The following TMOD3 variants were observed in gnomAD, a reference collection of about 807,000 sequenced individuals.
The protein encoded by TMOD3 is tropomodulin 3, also known as tropomodulin-3.
TMOD3 carries 20 observed loss-of-function variants against 39.2 expected under a neutral mutation model. That is an observed-to-expected ratio of 0.51 (90% CI 0.36 to 0.74). The LOEUF (loss-of-function observed/expected upper bound fraction) is 0.74, where lower values mean the gene tolerates loss of function less well. TMOD3 is among the 30% of genes least tolerant of loss of function. TMOD3 has a pLI of 0.00. For synonymous variants in TMOD3, 143 were observed against 145.8 expected, an observed-to-expected ratio of 0.98 and a Z score of 0.14; for missense variants, 381 against 412.8, an observed-to-expected ratio of 0.92 and a Z score of 0.67.
chr15:51,845,447 G>C (rs2056331214), intron 1 of TMOD3, among the ~76,000 whole-genome samples: 1 of 152,180 alleles, frequency 6.6e-6, no homozygotes, highest in Admixed American at 6.6e-5. Context: ...CTAAGTGCTA[G>C]ACTTTTTCTC....
intron 7 of TMOD3, among the ~76,000 whole-genome samples, chr15:51,898,673 G>A (rs1008783258): frequency 8.5e-5 from 13 of 152,176 alleles, no homozygotes; most frequent in Admixed American, 2.0e-4. Flanking sequence ...AGTTTTTTTA[G>A]TATCTCTACG....
chr15:51,886,586 G>A (rs561061615), intron 3 of TMOD3, among the ~76,000 whole-genome samples: 2 of 152,332 alleles, frequency 1.3e-5, no homozygotes, highest in East Asian at 1.9e-4. Flanking sequence ...GAATCAGGCA[G>A]GGAGGTTGCA....
chr15:51,889,051 T>C lies in TMOD3; in HGVS notation c.407-5T>C. The C allele has an allele frequency of 6.4e-7, 1 of 1,560,348 alleles. No homozygotes were observed. The highest frequency in any genetic ancestry group is 2.3e-5 in the East Asian group (1 of 43,576). On this transcript the variant is annotated splice_polypyrimidine_tract_variant and splice_region_variant and intron_variant, in intron 4 of 9. Transcript: ENST00000308580. ...AATAAAAACTTTCTTTTTCTGTATT[T>C]ATAGCAATTCTTGGGATGCACAATT...
At chr15:51,880,421 CCA>C (rs1199524899) in intron 3 of TMOD3, among the ~76,000 whole-genome samples, 2 of 152,088 alleles carry the variant, frequency 1.3e-5, no homozygotes, top group African/African-American at 4.8e-5. Flanking sequence ...GCAACCATCA[CCA>C]CAGTCTTAAG....
At position 51,890,575 on chromosome 15, in the gene TMOD3, T is replaced by C. The variant is rs77698103; in HGVS notation, c.496+1430T>C. Among the ~76,000 whole-genome samples the C allele has an allele frequency of 1.4e-3, 216 of 152,254 alleles. 11 individuals carry two copies. The highest frequency in any genetic ancestry group is 9.8e-3 in the East Asian group (51 of 5,186). On this transcript the variant is annotated intron_variant, in intron 5 of 9. Coordinates refer to ENST00000308580, the MANE Select transcript of TMOD3 (RefSeq NM_014547.5). Reference sequence around the variant, plus strand: ...TGACAACAGTTCTATGAAATAGATATTATTATTTTTAATTTGCATGTGAGA... The same window carrying C: ...TGACAACAGTTCTATGAAATAGATACTATTATTTTTAATTTGCATGTGAGA...
rs980141685 is a variant in TMOD3, at chr15:51,914,304, A to C, written c.*5494A>C. 1.3e-5 allele frequency: 2 copies of C among 151,892 alleles called. No individual in the cohort carries two copies. The highest frequency in any genetic ancestry group is 1.3e-4 in the Admixed American group (2 of 15,246). 9.4% of individuals were successfully genotyped at this position (151,892 alleles called of 1,614,324 possible). On this transcript the variant is annotated 3_prime_UTR_variant, in exon 10 of 10. Transcript: ENST00000308580. ...GTCTCAAAAAACAAAACAAAACAAAAAAATGGGTTTTTTTGTTGTTGTTTT... is the reference window on the plus strand; with the variant it reads ...GTCTCAAAAAACAAAACAAAACAAACAAATGGGTTTTTTTGTTGTTGTTTT...
At chr15:51,867,114 G>C (rs116763264) in intron 2 of TMOD3, among the ~76,000 whole-genome samples, 1 of 152,312 alleles carries the variant, frequency 6.6e-6, no homozygotes, top group African/African-American at 2.4e-5. Flanking sequence ...CTGGAATGGA[G>C]AGGGTGTGTG....
At chr15:51,883,397 T>G (rs905712665) in intron 3 of TMOD3, among the ~76,000 whole-genome samples, 1 of 152,244 alleles carries the variant, frequency 6.6e-6, no homozygotes, top group South Asian at 2.1e-4. Context: ...TTTATGATGC[T>G]TTAGATTCCA....
intron 1 of TMOD3, among the ~76,000 whole-genome samples, chr15:51,839,159 ATCTC>A (rs1242222900): frequency 6.4e-5 from 5 of 78,162 alleles, no homozygotes; most frequent in African/African-American, 2.2e-4. Flanking sequence ...AAATAGGTGT[ATCTC>A]TCTTTTTTTT....
At chr15:51,888,097 A>G (rs749850608) in intron 4 of TMOD3, among the ~76,000 whole-genome samples, 17 of 152,220 alleles carry the variant, frequency 1.1e-4, no homozygotes, top group Non-Finnish European at 2.2e-4. Flanking sequence ...ATGAGTAACT[A>G]GAAAGTAGAT....
intron 5 of TMOD3, 70 bp downstream of exon 5, chr15:51,889,215 C>G: frequency 9.8e-7 from 1 of 1,016,688 alleles, no homozygotes; most frequent in South Asian, 1.4e-5. Context: ...CTTGTGTCAG[C>G]TTAAGTGTTC....
At chr15:51,899,392 G>A (rs956489802) in intron 7 of TMOD3, among the ~76,000 whole-genome samples, 1 of 152,226 alleles carries the variant, frequency 6.6e-6, no homozygotes, top group Non-Finnish European at 1.5e-5. Flanking sequence ...CAGGCCAGGT[G>A]TAGTGGCTCA....
chr15:51,840,243 G>A (rs1260913969), intron 1 of TMOD3, among the ~76,000 whole-genome samples: 1 of 152,104 alleles, frequency 6.6e-6, no homozygotes, highest in Non-Finnish European at 1.5e-5. Context: ...TCACTCTTCT[G>A]TATTCTCTTT....
chr15:51,886,561 CAGGCTG>C (rs1025697012), intron 3 of TMOD3, among the ~76,000 whole-genome samples: 5 of 152,174 alleles, frequency 3.3e-5, no homozygotes, highest in African/African-American at 1.2e-4. Flanking sequence ...AGGCACTGGG[CAGGCTG>C]AGGCAGGAGA....
At chr15:51,878,955 G>A (rs1246822966) in intron 3 of TMOD3, among the ~76,000 whole-genome samples, 1 of 152,172 alleles carries the variant, frequency 6.6e-6, no homozygotes, top group Non-Finnish European at 1.5e-5. Context: ...TACTCAGCAA[G>A]GGTGGGAGCT....
In TMOD3 at chr15:51,896,458, T is replaced by C. The variant is rs768284646; in HGVS notation, c.667T>C (p.Leu223=). The C allele has an allele frequency of 4.3e-6, 7 of 1,613,558 alleles. No individual in the cohort carries two copies. In the South Asian group the frequency reaches 7.7e-5, roughly 18 times the overall value. ...IPTLKDFAKA[L]ETNTHVKCFS... is the part of the protein sequence containing the mutation. ...AACCCTAAAAGATTTTGCAAAGGCT[T>C]TGGAAACCAACACACATGTGAAATG... Residue 223 remains leucine, a synonymous_variant, in exon 7 of 10, where the codon TTG becomes CTG. Coordinates refer to ENST00000308580, the MANE Select transcript of TMOD3 (RefSeq NM_014547.5).
intron 2 of TMOD3, among the ~76,000 whole-genome samples, chr15:51,864,223 A>G (rs1201372901): frequency 7.5e-5 from 11 of 146,034 alleles, no homozygotes; most frequent in Admixed American, 7.2e-4. Flanking sequence ...CCGAAATTGC[A>G]CCACTGTACT....
chr15:51,850,258 A>G (rs2056354865), intron 1 of TMOD3, among the ~76,000 whole-genome samples: 1 of 152,118 alleles, frequency 6.6e-6, no homozygotes, highest in African/African-American at 2.4e-5. Flanking sequence ...TTACTGGATA[A>G]TTGTGCTCTT....
At chr15:51,863,996 G>T (rs1379552854) in intron 2 of TMOD3, among the ~76,000 whole-genome samples, 1 of 152,094 alleles carries the variant, frequency 6.6e-6, no homozygotes, top group Non-Finnish European at 1.5e-5. Flanking sequence ...AAGTGGCTGG[G>T]TGCTCACGCC....
Sources: allele counts gnomAD v4.1 joint callset (sites outside exome capture counted in the v4.1 genomes callset), GRCh38; gene constraint gnomAD v4.1.1; transcripts MANE v1.5; gene names NCBI Gene and HGNC (gene_info 2026-07-23, HGNC 2026-07-21).